Variants in ANAPC16 observed in about 807,000 individuals in gnomAD.
ANAPC16 encodes anaphase promoting complex subunit 16, also known as anaphase-promoting complex subunit 16.
In ANAPC16, 6 loss-of-function variants were observed where a neutral mutation model predicts 13.1. The ratio of observed to expected loss-of-function variants is 0.46; its 90% CI spans 0.25 to 0.90. The LOEUF (loss-of-function observed/expected upper bound fraction) is 0.90. Among genes scored for constraint, ANAPC16 ranks in the 40% least tolerant of loss-of-function variants. The pLI is 0.18. For missense variants in ANAPC16, 113 were observed against 131.1 expected (o/e 0.86, Z 0.67); for synonymous variants, 55 against 51.3 (o/e 1.07, Z -0.31).
Position 72,223,919 on chromosome 10 carries a change from C to G in ANAPC16, c.5C>G (p.Ala2Gly). The change falls in exon 2 of 4, where the codon GCT (alanine) becomes GGT (glycine). Residue 2 changes from alanine (A) to glycine (G), a missense_variant. Physicochemically the swap from Ala to Gly is moderately conservative, Grantham distance 60. Coordinates refer to ENST00000299381, the MANE Select transcript of ANAPC16 (RefSeq NM_173473.4). ...AAGAACTCTGCTAGAGAGGAAATGGCTGCTTCATCATCATCCTCCTCAGCT... is the reference window on the plus strand; with the variant it reads ...AAGAACTCTGCTAGAGAGGAAATGGGTGCTTCATCATCATCCTCCTCAGCT... M[A>G]ASSSSSSAGG... is the part of the protein sequence containing the mutation. 6.3e-7 allele frequency: 1 copy of G among 1,597,288 alleles called. No individual in the cohort carries two copies. Among genetic ancestry groups the G allele is most frequent in the Non-Finnish European group, 8.6e-7 (1 of 1,167,968 alleles).
Position 72,226,552 on chromosome 10 carries a change from A to G in ANAPC16, c.142+2496A>G, listed in dbSNP as rs1365915120. Among the ~76,000 whole-genome samples the G allele has an allele frequency of 2.0e-5, 3 of 151,968 alleles. No individual in the cohort carries two copies. In the East Asian group the frequency reaches 5.8e-4, roughly 29 times the overall value. On this transcript the variant is annotated intron_variant, in intron 2 of 3. Coordinates refer to ENST00000299381, the MANE Select transcript of ANAPC16 (RefSeq NM_173473.4). ...GCTGGGTGTGGTGGCACGTGGCTGT[A>G]GTCCCAGCTACTTAGGAAGGTGAGG...
chr10:72,232,221 T>G (rs1860335702), intron 3 of ANAPC16, among the ~76,000 whole-genome samples: 1 of 147,736 alleles, frequency 6.8e-6, no homozygotes, highest in African/African-American at 2.5e-5. Flanking sequence ...AAATTAAGCT[T>G]CTGACCAGCA....
At chr10:72,216,700 C>T (rs2133617281) in intron 1 of ANAPC16, 1 of 386,468 alleles carries the variant, frequency 2.6e-6, no homozygotes. Context: ...TATATGAATG[C>T]GAGGTCATCC....
chr10:72,231,292 C>T (rs1028713795), intron 3 of ANAPC16, among the ~76,000 whole-genome samples: 1 of 151,926 alleles, frequency 6.6e-6, no homozygotes, highest in Admixed American at 6.6e-5. Context: ...AATCCCAGCA[C>T]GTTGGGAGGC....
chr10:72,219,617 G>A (rs1421920663), intron 1 of ANAPC16, among the ~76,000 whole-genome samples: 1 of 152,128 alleles, frequency 6.6e-6, no homozygotes, highest in African/African-American at 2.4e-5. Flanking sequence ...CGTGCCTGTA[G>A]TCCCAACTAC....
At chr10:72,222,770 T>A (rs1328439737) in intron 1 of ANAPC16, among the ~76,000 whole-genome samples, 1 of 152,204 alleles carries the variant, frequency 6.6e-6, no homozygotes, top group African/African-American at 2.4e-5. Flanking sequence ...AGAGCGAGAC[T>A]CCGTCTCAAA....
Position 72,234,941 on chromosome 10 carries a change from A to C in ANAPC16, c.*1825A>C, listed in dbSNP as rs1860427832. 1 of 152,232 alleles carries C rather than the reference A, an allele frequency of 6.6e-6. No individual in the cohort carries two copies. The highest frequency in any genetic ancestry group is 2.4e-5 in the African/African-American group (1 of 41,442). The allele number at this position is 152,232 out of a possible 1,614,324, so 9.4% of individuals were successfully genotyped here. A position where few individuals can be genotyped will look rare whatever the true frequency, so the allele number is the denominator to read the frequency against. ...TGAGGTGAGTGGATCACTAGAGGTCAGGAGTTCAAGACCAGTCTGGCCGAC... is the reference window on the plus strand; with the variant it reads ...TGAGGTGAGTGGATCACTAGAGGTCCGGAGTTCAAGACCAGTCTGGCCGAC... On this transcript the variant is annotated 3_prime_UTR_variant, in exon 4 of 4. Coordinates refer to ENST00000299381, the MANE Select transcript of ANAPC16 (RefSeq NM_173473.4).
At position 72,233,919 on chromosome 10, in the gene ANAPC16, T is replaced by C. The variant is rs1456409303; in HGVS notation, c.*803T>C. On this transcript the variant is annotated 3_prime_UTR_variant, in exon 4 of 4. Coordinates refer to ENST00000299381, the MANE Select transcript of ANAPC16 (RefSeq NM_173473.4). ...TTAGAAGAAGGGAATCTAAAAACCA[T>C]CTCTCCTAAACAAATGGTAGACTGG... 1 of 152,476 alleles carries C rather than the reference T, an allele frequency of 6.6e-6. No individual in the cohort carries two copies. Among genetic ancestry groups the C allele is most frequent in the African/African-American group, 2.4e-5 (1 of 41,428 alleles). 9.4% of individuals were successfully genotyped at this position (152,476 alleles called of 1,614,324 possible).
intron 1 of ANAPC16, 47 bp downstream of exon 1, chr10:72,216,185 G>A (rs543314461): frequency 3.3e-5 from 5 of 153,382 alleles, no homozygotes; most frequent in African/African-American, 1.2e-4. Context: ...GGTGAAAAGG[G>A]AGTTAACCCC....
At chr10:72,220,548 CTTGGGAGG>C (rs952406700) in intron 1 of ANAPC16, among the ~76,000 whole-genome samples, 6 of 151,768 alleles carry the variant, frequency 4.0e-5, no homozygotes, top group Admixed American at 1.3e-4. Context: ...GTCCCAGCGA[CTTGGGAGG>C]TTGAGAGGTT....
intron 3 of ANAPC16, among the ~76,000 whole-genome samples, chr10:72,231,860 T>C (rs1860316363): frequency 6.6e-6 from 1 of 151,774 alleles, no homozygotes; most frequent in African/African-American, 2.4e-5. Flanking sequence ...CAGCCTTTCT[T>C]CTTTTAACAT....
chr10:72,219,595 G>A (rs150471345), intron 1 of ANAPC16, among the ~76,000 whole-genome samples: 1 of 152,160 alleles, frequency 6.6e-6, no homozygotes, highest in East Asian at 1.9e-4. Flanking sequence ...AAATTAGTGG[G>A]GTGTTCTGGC....
chr10:72,218,785 A>G (rs924921204), intron 1 of ANAPC16, among the ~76,000 whole-genome samples: 3 of 152,218 alleles, frequency 2.0e-5, no homozygotes, highest in African/African-American at 7.2e-5. Flanking sequence ...AGAGCTAGAA[A>G]TTACTTAGGT....
chr10:72,229,212 AT>A (rs1564794326), intron 2 of ANAPC16, among the ~76,000 whole-genome samples: 1 of 143,276 alleles, frequency 7.0e-6, no homozygotes, highest in Non-Finnish European at 1.5e-5. Context: ...TTATACTTTC[AT>A]TTTTTTCTTT....
intron 2 of ANAPC16, among the ~76,000 whole-genome samples, chr10:72,224,685 T>C (rs1043983876): frequency 6.6e-6 from 1 of 152,020 alleles, no homozygotes; most frequent in Admixed American, 6.6e-5. Context: ...GTTTGCTTTA[T>C]CCTGGCACCT....
chr10:72,231,347 G>A (rs1395480275), intron 3 of ANAPC16, among the ~76,000 whole-genome samples: 1 of 151,970 alleles, frequency 6.6e-6, no homozygotes, highest in Non-Finnish European at 1.5e-5. Context: ...AGACTGACCT[G>A]GGCAACATGG....
At chr10:72,227,848 T>C (rs1288067261) in intron 2 of ANAPC16, among the ~76,000 whole-genome samples, 1 of 146,674 alleles carries the variant, frequency 6.8e-6, no homozygotes, top group Non-Finnish European at 1.5e-5. Flanking sequence ...CTGACCAATA[T>C]GGTGAAACCC....
chr10:72,226,018 ATTT>A (rs376574019), intron 2 of ANAPC16, among the ~76,000 whole-genome samples: 2 of 142,310 alleles, frequency 1.4e-5, no homozygotes, highest in African/African-American at 2.6e-5. Flanking sequence ...AAGTGTTGCA[ATTT>A]TTTTTTTTTT....
intron 1 of ANAPC16, among the ~76,000 whole-genome samples, chr10:72,218,936 G>T (rs1400399671): frequency 6.6e-6 from 1 of 152,222 alleles, no homozygotes; most frequent in Non-Finnish European, 1.5e-5. Flanking sequence ...ATGAAAGGGA[G>T]TTCGTTTGAT....
Sources: gnomAD v4.1 joint callset for allele counts (sites outside exome capture counted in the v4.1 genomes callset) on GRCh38, gnomAD v4.1.1 for gene constraint, MANE v1.5 for transcripts, NCBI Gene and HGNC (gene_info 2026-07-23, HGNC 2026-07-21) for gene names.